Variants in SLC4A10 observed in about 807,000 individuals in gnomAD.
SLC4A10 encodes the protein solute carrier family 4 member 10.
In SLC4A10, 42 loss-of-function variants were observed where a neutral mutation model predicts 137.7. The ratio of observed to expected loss-of-function variants is 0.30; its 90% confidence interval spans 0.24 to 0.39. SLC4A10 has a LOEUF of 0.39. Among genes scored for constraint, SLC4A10 ranks in the 10% least tolerant of loss-of-function variants. SLC4A10 has a pLI of 1.00. For synonymous variants in SLC4A10, 474 were observed against 464.1 expected (o/e 1.02, Z -0.27); for missense variants, 925 against 1,355.0 (o/e 0.68, Z 4.98).
chr2:161,901,514 A>G (rs1395364193), intron 12 of SLC4A10, among the ~76,000 whole-genome samples: 1 of 152,150 alleles, frequency 6.6e-6, no homozygotes, highest in Non-Finnish European at 1.5e-5. Context: ...ATTTCTTAAA[A>G]TGGTGCTTCA....
At chr2:161,625,351 A>G (rs1016593049) in intron 1 of SLC4A10, among the ~76,000 whole-genome samples, 1 of 151,770 alleles carries the variant, frequency 6.6e-6, no homozygotes, top group Admixed American at 6.6e-5. Context: ...CAGACTTTGG[A>G]GATCTTCAGG....
At chr2:161,645,889 C>G (rs1251843243) in intron 1 of SLC4A10, among the ~76,000 whole-genome samples, 1 of 151,930 alleles carries the variant, frequency 6.6e-6, no homozygotes, top group Non-Finnish European at 1.5e-5. Flanking sequence ...TTACAAAACT[C>G]CTTTTTAATA....
At chr2:161,870,337 T>C (rs779244859) in intron 6 of SLC4A10, among the ~76,000 whole-genome samples, 25 of 151,864 alleles carry the variant, frequency 1.6e-4, no homozygotes, top group Non-Finnish European at 2.2e-4. Context: ...ATTCAAAATT[T>C]AATCTCTTCA....
intron 1 of SLC4A10, among the ~76,000 whole-genome samples, chr2:161,711,072 C>G (rs1391066033): frequency 6.6e-6 from 1 of 151,818 alleles, no homozygotes; most frequent in Non-Finnish European, 1.5e-5. Context: ...CAAACTGTAT[C>G]ATTATGCATC....
At chr2:161,861,137 G>T (rs1403230885) in intron 5 of SLC4A10, among the ~76,000 whole-genome samples, 1 of 152,132 alleles carries the variant, frequency 6.6e-6, no homozygotes, top group Admixed American at 6.5e-5. Context: ...AAAAGAGCTT[G>T]TCTTTCTCTG....
chr2:161,819,391 T>C (rs981993684), intron 3 of SLC4A10, among the ~76,000 whole-genome samples: 11 of 152,170 alleles, frequency 7.2e-5, no homozygotes, highest in Admixed American at 2.0e-4. Flanking sequence ...GCTACTGTAC[T>C]TAATAAATAT....
intron 1 of SLC4A10, among the ~76,000 whole-genome samples, chr2:161,661,061 T>C (rs2038321506): frequency 6.6e-6 from 1 of 152,194 alleles, no homozygotes; most frequent in African/African-American, 2.4e-5. Flanking sequence ...TTTAAAATTA[T>C]AGCTTAACGA....
chr2:161,756,492 A>C (rs2049660679), intron 1 of SLC4A10, among the ~76,000 whole-genome samples: 1 of 152,176 alleles, frequency 6.6e-6, no homozygotes, highest in Non-Finnish European at 1.5e-5. Context: ...TTTCTTGCTC[A>C]TACTACATTT....
chr2:161,767,680 G>A (rs1014902136), intron 1 of SLC4A10, among the ~76,000 whole-genome samples: 3 of 151,924 alleles, frequency 2.0e-5, no homozygotes, highest in African/African-American at 7.2e-5. Context: ...ATAGTTATCT[G>A]TTCTGATTAT....
At chr2:161,837,960 G>A (rs2058920544) in intron 3 of SLC4A10, among the ~76,000 whole-genome samples, 1 of 152,112 alleles carries the variant, frequency 6.6e-6, no homozygotes, top group African/African-American at 2.4e-5. Context: ...TTGCAACCCA[G>A]AATAAGTCCT....
At chr2:161,903,870 C>A in intron 12 of SLC4A10, 134 bp from the exon 13 acceptor site, 1 of 825,944 alleles carries the variant, frequency 1.2e-6, no homozygotes, top group Non-Finnish European at 1.9e-6. Context: ...TAAGACAATG[C>A]AGCAGGTTAA....
At chr2:161,879,620 T>C (rs1443720656) in intron 9 of SLC4A10, among the ~76,000 whole-genome samples, 1 of 151,526 alleles carries the variant, frequency 6.6e-6, no homozygotes, top group Non-Finnish European at 1.5e-5. Flanking sequence ...AAGATTGCAT[T>C]AAATTGTCTG....
At chr2:161,807,347 A>T (rs2056095215) in intron 3 of SLC4A10, among the ~76,000 whole-genome samples, 1 of 152,170 alleles carries the variant, frequency 6.6e-6, no homozygotes, top group Non-Finnish European at 1.5e-5. Context: ...AAGGTTCTGA[A>T]TGCCATGAGA....
chr2:161,758,094 T>A (rs1037995057), intron 1 of SLC4A10, among the ~76,000 whole-genome samples: 1 of 151,980 alleles, frequency 6.6e-6, no homozygotes, highest in Non-Finnish European at 1.5e-5. Flanking sequence ...GAGATATTTT[T>A]AGTATTTGTA....
At position 161,974,275 on chromosome 2, in the gene SLC4A10, A is replaced by G. The variant is rs1383111661; in HGVS notation, c.3186A>G (p.Glu1062=). 6.2e-7 allele frequency: 1 copy of G among 1,608,690 alleles called. No individual in the cohort carries two copies. Among genetic ancestry groups the G allele is most frequent in the Non-Finnish European group, 8.5e-7 (1 of 1,177,548 alleles). The change falls in exon 24 of 27, where the codon GAA becomes GAG. Residue 1062 remains glutamate (E), a synonymous_variant. Transcript: ENST00000446997. ...AAGAACAAAGTATGCTAGCTATGGA[A>G]GATGAGGGCACAGTACAACTCCCAT... ...KEEEQSMLAM[E]DEGTVQLPLE... is the part of the protein sequence containing the mutation.
At chr2:161,878,132 G>A (rs1218430777) in intron 8 of SLC4A10, among the ~76,000 whole-genome samples, 1 of 151,910 alleles carries the variant, frequency 6.6e-6, no homozygotes, top group Non-Finnish European at 1.5e-5. Context: ...AATCTTCTCA[G>A]CCCCACTCAT....
At chr2:161,823,304 A>T (rs1291759462) in intron 3 of SLC4A10, among the ~76,000 whole-genome samples, 2 of 152,250 alleles carry the variant, frequency 1.3e-5, no homozygotes, top group Non-Finnish European at 2.9e-5. Flanking sequence ...GTTGTACTTA[A>T]TGTACTACTG....
chr2:161,673,180 G>T (rs752331018), intron 1 of SLC4A10, among the ~76,000 whole-genome samples: 1 of 152,184 alleles, frequency 6.6e-6, no homozygotes, highest in Non-Finnish European at 1.5e-5. Flanking sequence ...ATGGATGAGT[G>T]TTGAAAGAGT....
chr2:161,804,092 G>A (rs537892833), intron 2 of SLC4A10, among the ~76,000 whole-genome samples: 16 of 152,132 alleles, frequency 1.1e-4, no homozygotes, highest in African/African-American at 3.4e-4. Context: ...TGAAGGGAAG[G>A]GATTTGATGA....
Sources: allele counts gnomAD v4.1 joint callset (sites outside exome capture counted in the v4.1 genomes callset), GRCh38; gene constraint gnomAD v4.1.1; transcripts MANE v1.5; gene names NCBI Gene and HGNC (gene_info 2026-07-23, HGNC 2026-07-21).